SPAG16: variants seen among roughly 807,000 people sequenced by gnomAD.
SPAG16 encodes the protein sperm-associated antigen 16 protein.
SPAG16 carries 86 observed loss-of-function variants against 80.4 expected under a neutral mutation model. That is an observed-to-expected ratio of 1.07 (90% CI 0.90 to 1.28). SPAG16 has a LOEUF of 1.28. SPAG16 is among the 50% of genes most tolerant of loss of function. The pLI is 0.00. For synonymous variants in SPAG16, 294 were observed against 265.9 expected (o/e 1.11, Z -1.03); for missense variants, 870 against 765.3 (o/e 1.14, Z -1.61).
intron 11 of SPAG16, among the ~76,000 whole-genome samples, chr2:213,869,265 A>AAAAAAAAAAAAAATATATATACG (rs1491244962): frequency 4.0e-5 from 1 of 24,806 alleles, no homozygotes; most frequent in Non-Finnish European, 2.8e-4. Context: ...AAAAAAAAAA[A>AAAAAAAAAAAAAATATATATACG]TATATATATA....
chr2:213,737,124 A>AT (rs2067316767), intron 10 of SPAG16, among the ~76,000 whole-genome samples: 1 of 152,168 alleles, frequency 6.6e-6, no homozygotes, highest in Non-Finnish European at 1.5e-5. Context: ...ATTTATTTTT[A>AT]TTAATTTTTA....
At chr2:214,330,856 C>G (rs1696867772) in intron 15 of SPAG16, among the ~76,000 whole-genome samples, 2 of 152,198 alleles carry the variant, frequency 1.3e-5, no homozygotes, top group African/African-American at 4.8e-5. Context: ...TCCATTAGGG[C>G]TCAACCCTGT....
chr2:213,357,424 A>G (rs1296267726), intron 7 of SPAG16, among the ~76,000 whole-genome samples: 1 of 152,138 alleles, frequency 6.6e-6, no homozygotes, highest in East Asian at 1.9e-4. Context: ...GACTTCCTTT[A>G]TGAATATGGG....
chr2:213,755,078 G>A (rs2068260390), intron 10 of SPAG16, among the ~76,000 whole-genome samples: 1 of 152,152 alleles, frequency 6.6e-6, no homozygotes, highest in Admixed American at 6.5e-5. Flanking sequence ...AACTCTTTGT[G>A]TCAGTAATAC....
At chr2:214,108,851 G>A (rs577792186) in intron 14 of SPAG16, among the ~76,000 whole-genome samples, 1 of 152,254 alleles carries the variant, frequency 6.6e-6, no homozygotes, top group Non-Finnish European at 1.5e-5. Flanking sequence ...CAGGTGTAAG[G>A]ATGATTTCAC....
intron 12 of SPAG16, among the ~76,000 whole-genome samples, chr2:213,996,813 C>T (rs1222691959): frequency 6.6e-6 from 1 of 152,054 alleles, no homozygotes; most frequent in Non-Finnish European, 1.5e-5. Flanking sequence ...CGTGATCTGC[C>T]CACCTCGGCC....
intron 15 of SPAG16, among the ~76,000 whole-genome samples, chr2:214,348,601 CCA>C (rs1698206433): frequency 6.6e-6 from 1 of 152,104 alleles, no homozygotes; most frequent in Non-Finnish European, 1.5e-5. Flanking sequence ...CGTGAGAACA[CCA>C]CTCTGGAGAA....
At chr2:213,587,343 C>T (rs917796214) in intron 10 of SPAG16, among the ~76,000 whole-genome samples, 14 of 152,154 alleles carry the variant, frequency 9.2e-5, no homozygotes, top group African/African-American at 3.4e-4. Flanking sequence ...GGAGCCATAC[C>T]TGGGTCAGCC....
intron 11 of SPAG16, among the ~76,000 whole-genome samples, chr2:213,874,614 T>A (rs1352501441): frequency 6.6e-6 from 1 of 152,038 alleles, no homozygotes; most frequent in Admixed American, 6.6e-5. Context: ...AACACATGAG[T>A]AATGTGTAGC....
intron 11 of SPAG16, among the ~76,000 whole-genome samples, chr2:213,924,726 T>A (rs2078386650): frequency 6.6e-6 from 1 of 152,136 alleles, no homozygotes; most frequent in Non-Finnish European, 1.5e-5. Context: ...CGTGTAAAAA[T>A]CATATAGCTG....
intron 15 of SPAG16, among the ~76,000 whole-genome samples, chr2:214,293,695 C>T (rs1693951193): frequency 6.6e-6 from 1 of 152,170 alleles, no homozygotes; most frequent in Non-Finnish European, 1.5e-5. Context: ...TCATGGTTTG[C>T]TTATGCACTG....
At chr2:213,972,364 C>T (rs144313376) in intron 12 of SPAG16, among the ~76,000 whole-genome samples, 3 of 152,120 alleles carry the variant, frequency 2.0e-5, no homozygotes, top group Non-Finnish European at 4.4e-5. Flanking sequence ...GCTGAGCAGT[C>T]CCATGACTTC....
At chr2:213,796,699 C>A (rs1250030713) in intron 10 of SPAG16, among the ~76,000 whole-genome samples, 1 of 151,850 alleles carries the variant, frequency 6.6e-6, no homozygotes, top group Non-Finnish European at 1.5e-5. Context: ...TGCTGCACTT[C>A]TAATCATAAA....
chr2:214,231,956 T>G (rs1688730346), intron 15 of SPAG16, among the ~76,000 whole-genome samples: 1 of 152,096 alleles, frequency 6.6e-6, no homozygotes, highest in Non-Finnish European at 1.5e-5. Context: ...TGTGTTTAAT[T>G]ATTGTATAAC....
chr2:213,589,921 C>CA (rs35341781), intron 10 of SPAG16, among the ~76,000 whole-genome samples: 8,363 of 138,710 alleles, frequency 0.06, 788 homozygotes, highest in African/African-American at 0.21. Flanking sequence ...AACTCCATCT[C>CA]AAAAAAAAAA....
chr2:213,433,312 T>G (rs956350467), intron 9 of SPAG16, among the ~76,000 whole-genome samples: 1 of 152,188 alleles, frequency 6.6e-6, no homozygotes, highest in Non-Finnish European at 1.5e-5. Flanking sequence ...GAAGTCAAAT[T>G]GTTTCTATTC....
intron 3 of SPAG16, among the ~76,000 whole-genome samples, chr2:213,301,599 C>T (rs186014040): frequency 6.6e-6 from 1 of 152,182 alleles, no homozygotes; most frequent in African/African-American, 2.4e-5. Flanking sequence ...CTTAGTCTAC[C>T]TTAAAGCTAC....
At chr2:213,919,489 G>C (rs531724376) in intron 11 of SPAG16, among the ~76,000 whole-genome samples, 115 of 152,052 alleles carry the variant, frequency 7.6e-4, no homozygotes, top group African/African-American at 2.7e-3. Flanking sequence ...GTTGTGTCTT[G>C]GTTCTCATTA....
chr2:214,300,387 G>A (rs1238580883), intron 15 of SPAG16, among the ~76,000 whole-genome samples: 1 of 152,154 alleles, frequency 6.6e-6, no homozygotes, highest in East Asian at 1.9e-4. Flanking sequence ...TTTGCTGGAT[G>A]TTGGGTTAGC....
Sources: allele counts gnomAD v4.1 joint callset (sites outside exome capture counted in the v4.1 genomes callset), GRCh38; gene constraint gnomAD v4.1.1; transcripts MANE v1.5; gene names NCBI Gene and HGNC (gene_info 2026-07-23, HGNC 2026-07-21).